ATP8A1: variants seen among roughly 807,000 people sequenced by gnomAD.
The protein encoded by ATP8A1 is phospholipid-transporting ATPase IA.
In ATP8A1, 90 loss-of-function variants were observed where a neutral mutation model predicts 177.7. The ratio of observed to expected loss-of-function variants is 0.51; its 90% CI spans 0.43 to 0.60. ATP8A1 has a LOEUF of 0.60. Ranked by LOEUF, ATP8A1 falls within the 20% of genes least tolerant of loss-of-function variation. The probability of loss-of-function intolerance (pLI) is 0.00; values close to 1 mark genes in which losing one functional copy is unlikely to be tolerated. For synonymous variants in ATP8A1, 493 were observed against 485.9 expected, an observed-to-expected ratio of 1.01 and a Z score of -0.19; for missense variants, 1,072 against 1,392.8, an observed-to-expected ratio of 0.77 and a Z score of 3.67.
chr4:42,466,031 C>CAAAAAAA lies in ATP8A1; in HGVS notation c.2325-962_2325-956dup, dbSNP rs57949092. Among the ~76,000 whole-genome samples the CAAAAAAA allele has an allele frequency of 3.2e-4, 35 of 108,092 alleles. 1 individual carries two copies. Among genetic ancestry groups the CAAAAAAA allele is most frequent in the African/African-American group, 4.4e-4 (11 of 25,096 alleles). The allele number at this position is 108,092 out of a possible 152,430, so 70.9% of individuals were successfully genotyped here. A position where few individuals can be genotyped will look rare whatever the true frequency, so the allele number is the denominator to read the frequency against. On this transcript the variant is annotated intron_variant, in intron 25 of 36. Coordinates refer to ENST00000381668, the MANE Select transcript of ATP8A1 (RefSeq NM_006095.2). ...TGGGCGACAGAGCAAGACTCCGTCTCAAAAAAAAAAAAAAAAAAAAAAAAA... is the reference window on the plus strand; with the variant it reads ...TGGGCGACAGAGCAAGACTCCGTCTCAAAAAAAAAAAAAAAAAAAAAAAAAAAAAAAA...
chr4:42,528,018 AC>A (rs1578109910), intron 20 of ATP8A1, among the ~76,000 whole-genome samples: 1 of 152,250 alleles, frequency 6.6e-6, no homozygotes, highest in East Asian at 1.9e-4. Flanking sequence ...ACTACTGGAC[AC>A]TGGCTCTGAG....
chr4:42,515,754 C>T (rs1177964436), intron 22 of ATP8A1, among the ~76,000 whole-genome samples: 1 of 152,174 alleles, frequency 6.6e-6, no homozygotes, highest in Non-Finnish European at 1.5e-5. Flanking sequence ...TATCCTCTCC[C>T]TGCTGAGCCC....
At chr4:42,430,464 G>T (rs760353802) in intron 33 of ATP8A1, among the ~76,000 whole-genome samples, 4 of 150,574 alleles carry the variant, frequency 2.7e-5, no homozygotes, top group Non-Finnish European at 5.9e-5. Flanking sequence ...GTCTCCGAAG[G>T]CCAGCTCGCT....
At chr4:42,482,292 A>T (rs1479760906) in intron 25 of ATP8A1, among the ~76,000 whole-genome samples, 1 of 151,188 alleles carries the variant, frequency 6.6e-6, no homozygotes, top group African/African-American at 2.4e-5. Context: ...TGACAGAGTG[A>T]GATTCTGTCT....
chr4:42,537,219 C>T (rs1462945877), intron 20 of ATP8A1, among the ~76,000 whole-genome samples: 1 of 151,544 alleles, frequency 6.6e-6, no homozygotes, highest in East Asian at 1.9e-4. Flanking sequence ...AACCCAGCAT[C>T]CCTTTATGAT....
chr4:42,638,352 C>G (rs886159942), intron 1 of ATP8A1, among the ~76,000 whole-genome samples: 1 of 152,190 alleles, frequency 6.6e-6, no homozygotes, highest in Non-Finnish European at 1.5e-5. Context: ...CTTGAACTCA[C>G]GCTAAATTGC....
intron 1 of ATP8A1, among the ~76,000 whole-genome samples, chr4:42,629,108 T>C (rs1023375467): frequency 6.6e-6 from 1 of 152,222 alleles, no homozygotes; most frequent in African/African-American, 2.4e-5. Context: ...TTCAAGAATT[T>C]CTGTGGGGCA....
At position 42,600,472 on chromosome 4, in the gene ATP8A1, G is replaced by T. The variant is rs1735134119; in HGVS notation, c.450+6C>A. On this transcript the variant is annotated splice_donor_region_variant and intron_variant, in intron 6 of 36. Coordinates refer to ENST00000381668, the MANE Select transcript of ATP8A1 (RefSeq NM_006095.2). ...CTCCTGGAACAAAATAAAAATCAGT[G>T]CATACCTTTTCCCAGTGGACAATTT... The T allele has an allele frequency of 6.2e-7, 1 of 1,609,666 alleles. No individual in the cohort carries two copies. Among genetic ancestry groups the T allele is most frequent in the East Asian group, 2.2e-5 (1 of 44,526 alleles).
intron 16 of ATP8A1, among the ~76,000 whole-genome samples, chr4:42,555,118 TATCTATCTATCTATCTATCTAATCTATC>T (rs1239848231): frequency 1.3e-4 from 13 of 96,826 alleles, no homozygotes; most frequent in Non-Finnish European, 2.3e-4. Flanking sequence ...TCTATCTATC[TATCTATCTATCTATCTATCTAATCTATC>T]TATCTATCTA....
Position 42,411,892 on chromosome 4 carries a change from G to A in ATP8A1, c.*1024C>T, listed in dbSNP as rs1337447119. The stretch of plus-strand genomic sequence containing the variant: ...TACACAAGACACAGGCATCTCTAGT[G>A]GGAACTGGAACACAGGACAAAAGCC... On this transcript the variant is annotated 3_prime_UTR_variant, in exon 37 of 37. Transcript: ENST00000381668. 5.3e-5 allele frequency: 8 copies of A among 152,154 alleles called. No individual in the cohort carries two copies. Among genetic ancestry groups the A allele is most frequent in the East Asian group, 1.9e-4 (1 of 5,190 alleles). The allele number at this position is 152,154 out of a possible 1,614,324, so 9.4% of individuals were successfully genotyped here.
At position 42,555,264 on chromosome 4, in the gene ATP8A1, C is replaced by T. The variant is rs552466330; in HGVS notation, c.1413+704G>A. Among the ~76,000 whole-genome samples, 13 of 151,340 alleles carry T rather than the reference C, an allele frequency of 8.6e-5. No individual in the cohort carries two copies. The South Asian group carries it at 2.5e-3, about 29-fold the overall frequency. ...AGTAACTTCATAAGCAGGATTTTCA[C>T]ATTGGGTGGCAGAAGCCAGAGTTTC... On this transcript the variant is annotated intron_variant, in intron 16 of 36. Coordinates refer to ENST00000381668, the MANE Select transcript of ATP8A1 (RefSeq NM_006095.2).
At chr4:42,653,102 C>T (rs190066810) in intron 1 of ATP8A1, among the ~76,000 whole-genome samples, 48 of 152,170 alleles carry the variant, frequency 3.2e-4, no homozygotes, top group African/African-American at 9.4e-4. Flanking sequence ...TTCCCCTCAC[C>T]GTTCCTAATT....
At chr4:42,447,160 A>C (rs1042812793) in intron 30 of ATP8A1, among the ~76,000 whole-genome samples, 3 of 152,142 alleles carry the variant, frequency 2.0e-5, no homozygotes, top group Non-Finnish European at 4.4e-5. Flanking sequence ...TTATTTTAGC[A>C]ATGACTAACA....
chr4:42,429,386 G>T (rs75440143), intron 33 of ATP8A1, among the ~76,000 whole-genome samples: 26,520 of 146,040 alleles, frequency 0.18, 2,813 homozygotes, highest in South Asian at 0.31. Context: ...AAAGTGTTTT[G>T]TTTTTTTTTT....
rs1019095058 is a variant in ATP8A1 at position 42,409,027 on chromosome 4, G to C, written c.*3889C>G. 2.6e-5 allele frequency: 4 copies of C among 152,100 alleles called. No homozygotes were observed. Among genetic ancestry groups the C allele is most frequent in the African/African-American group, 9.7e-5 (4 of 41,428 alleles). 9.4% of individuals were successfully genotyped at this position (152,100 alleles called of 1,614,324 possible). A position where few individuals can be genotyped will look rare whatever the true frequency, so the allele number is the denominator to read the frequency against. ...CTAAACAAAAGATTCAATTAAATTT[G>C]TTCAAATTTCTTTGTAAAATAATCT... is the stretch of plus-strand genomic sequence containing the variant. On this transcript the variant is annotated 3_prime_UTR_variant, in exon 37 of 37. Transcript: ENST00000381668.
intron 22 of ATP8A1, among the ~76,000 whole-genome samples, chr4:42,510,416 T>C (rs2153195236): frequency 6.6e-6 from 1 of 152,328 alleles, no homozygotes; most frequent in South Asian, 2.1e-4. Flanking sequence ...TTCTTCCAAA[T>C]CTTCAGCTAC....
intron 24 of ATP8A1, among the ~76,000 whole-genome samples, chr4:42,494,169 A>C (rs1299920641): frequency 0.03 from 4,148 of 140,426 alleles, 275 homozygotes; most frequent in African/African-American, 0.12. Flanking sequence ...CCACAAAAAA[A>C]AAAAAAAAAA....
chr4:42,415,262 C>G (rs1391840539), intron 35 of ATP8A1: 3 of 152,176 alleles, frequency 2.0e-5, no homozygotes, highest in Non-Finnish European at 4.4e-5. Flanking sequence ...TTCACTACCA[C>G]TAATATGGTA....
At chr4:42,601,384 AGGC>A (rs1366779498) in intron 5 of ATP8A1, among the ~76,000 whole-genome samples, 1 of 142,238 alleles carries the variant, frequency 7.0e-6, no homozygotes, top group African/African-American at 2.5e-5. Context: ...GAAAAAAAAA[AGGC>A]AGAAGAAGAG....
Sources: gnomAD v4.1 joint callset for allele counts (sites outside exome capture counted in the v4.1 genomes callset) on GRCh38, gnomAD v4.1.1 for gene constraint, MANE v1.5 for transcripts, NCBI Gene and HGNC (gene_info 2026-07-23, HGNC 2026-07-21) for gene names.